XPO1: variants seen among roughly 807,000 people sequenced by gnomAD.
XPO1 encodes exportin 1.
In XPO1, 5 loss-of-function variants were observed where a neutral mutation model predicts 133.3. The observed-to-expected ratio is 0.04, with a 90% CI of 0.02 to 0.08. The LOEUF (loss-of-function observed/expected upper bound fraction) is 0.08, where lower values mean the gene tolerates loss of function less well. Among genes scored for constraint, XPO1 ranks in the 10% least tolerant of loss-of-function variants. XPO1 has a pLI of 1.00. For missense variants in XPO1, 506 were observed against 1,267.5 expected (o/e 0.40, Z 9.12); for synonymous variants, 419 against 408.2 (o/e 1.03, Z -0.32).
At chr2:61,527,806 A>C (rs1698970491) in intron 2 of XPO1, among the ~76,000 whole-genome samples, 1 of 152,098 alleles carries the variant, frequency 6.6e-6, no homozygotes, top group African/African-American at 2.4e-5. Flanking sequence ...AGAAATACTA[A>C]TCTACGTAGT....
At chr2:61,511,883 C>T (rs748962590) in intron 4 of XPO1, among the ~76,000 whole-genome samples, 15 of 152,202 alleles carry the variant, frequency 9.9e-5, no homozygotes, top group East Asian at 7.7e-4. Flanking sequence ...TGCAACCTAC[C>T]GAGTAGCTGG....
rs1308346991 is a variant in XPO1 at position 61,537,502 on chromosome 2, T to C, written c.-7+60A>G. 8.2e-5 allele frequency: 12 copies of C among 145,728 alleles called. No individual in the cohort carries two copies. In the East Asian group the frequency reaches 2.2e-3, roughly 27 times the overall value. 9.0% of individuals were successfully genotyped at this position (145,728 alleles called of 1,614,324 possible). On this transcript the variant is annotated intron_variant, in intron 1 of 24. Transcript: ENST00000401558. Reference sequence around the variant, plus strand: ...GCCGCCGCGCCCCACGCCGGCCTCCTCCCGCCCGCCCGGCCGCGCCGCCGC... The same window carrying C: ...GCCGCCGCGCCCCACGCCGGCCTCCCCCCGCCCGCCCGGCCGCGCCGCCGC...
chr2:61,493,829 T>C, intron 12 of XPO1, 65 bp downstream of exon 12: 2 of 1,523,808 alleles, frequency 1.3e-6, no homozygotes, highest in Non-Finnish European at 1.8e-6. Flanking sequence ...ATTAGAAGTA[T>C]TTGGATTCAG....
At chr2:61,481,554 C>A (rs919873771) in intron 23 of XPO1, among the ~76,000 whole-genome samples, 1 of 152,058 alleles carries the variant, frequency 6.6e-6, no homozygotes, top group Non-Finnish European at 1.5e-5. Flanking sequence ...TGAAGCTATT[C>A]TCCTGCCTCA....
Position 61,492,155 on chromosome 2 carries a change from A to C in XPO1, c.1767T>G (p.Ile589Met). The change falls in exon 16 of 25, where the codon ATT (isoleucine) becomes ATG (methionine). Residue 589 changes from isoleucine (I) to methionine (M), a missense_variant. By Grantham distance (10) the Ile-to-Met change is conservative. Coordinates refer to ENST00000401558, the MANE Select transcript of XPO1 (RefSeq NM_003400.4). The surrounding 1 kb of genome is among the most constrained non-coding windows in gnomAD (Gnocchi z 5.6). ...GCCTGCGGCATTTTTGGGCTATTTT[A>C]ATGAAAGTATCACAAGCCATATCCT... is the stretch of plus-strand genomic sequence containing the variant. Reference protein sequence around the residue: ...GVQDMACDTFIKIAQKCRRHF... With the variant: ...GVQDMACDTFMKIAQKCRRHF... The C allele has an allele frequency of 6.2e-7, 1 of 1,614,224 alleles. No homozygotes were observed. Among genetic ancestry groups the C allele is most frequent in the Non-Finnish European group, 8.5e-7 (1 of 1,180,048 alleles).
rs370242587 is a variant in XPO1 at position 61,481,328 on chromosome 2, G to A, written c.2973-47C>T. ...TTAAATAATGATTTATTTTTCCCCCGAGACAGAGTATTGCTCTGTCACCAG... is the reference window on the plus strand; with the variant it reads ...TTAAATAATGATTTATTTTTCCCCCAAGACAGAGTATTGCTCTGTCACCAG... On this transcript the variant is annotated intron_variant, in intron 23 of 24. Transcript: ENST00000401558. 1.4e-4 allele frequency: 198 copies of A among 1,463,902 alleles called. No individual in the cohort carries two copies. The African/African-American group carries it at 2.0e-3, about 15-fold the overall frequency. 90.7% of individuals were successfully genotyped at this position (1,463,902 alleles called of 1,614,324 possible). A position where few individuals can be genotyped will look rare whatever the true frequency, so the allele number is the denominator to read the frequency against.
In XPO1 at chr2:61,478,511, C is replaced by G. The variant is rs544433659; in HGVS notation, c.*309G>C. On this transcript the variant is annotated 3_prime_UTR_variant, in exon 25 of 25. Transcript: ENST00000401558. ...ATTGTATAATTTTGCATTAGAATTA[C>G]AAGTATATGTTCAAATCGAATTTGC... The G allele has an allele frequency of 3.4e-6, 1 of 295,942 alleles. No individual in the cohort carries two copies. Among genetic ancestry groups the G allele is most frequent in the Non-Finnish European group, 6.2e-6 (1 of 160,590 alleles). 18.3% of individuals were successfully genotyped at this position (295,942 alleles called of 1,614,324 possible).
At chr2:61,481,895 C>T (rs1284935726) in intron 23 of XPO1, among the ~76,000 whole-genome samples, 1 of 151,846 alleles carries the variant, frequency 6.6e-6, no homozygotes, top group African/African-American at 2.4e-5. Flanking sequence ...ACCACCATGC[C>T]CAACTAATTT....
intron 4 of XPO1, among the ~76,000 whole-genome samples, chr2:61,516,124 G>A (rs1410557746): frequency 2.2e-5 from 3 of 138,540 alleles, no homozygotes; most frequent in Non-Finnish European, 4.7e-5. Context: ...AAACTCCGTC[G>A]CAAAATTAAA....
At chr2:61,507,821 A>G (rs879358933) in intron 4 of XPO1, among the ~76,000 whole-genome samples, 2 of 152,060 alleles carry the variant, frequency 1.3e-5, no homozygotes, top group African/African-American at 4.8e-5. Flanking sequence ...GAGAAAGAGA[A>G]GAGAAAGATG....
At chr2:61,527,391 G>C (rs1206233884) in intron 2 of XPO1, among the ~76,000 whole-genome samples, 4 of 151,014 alleles carry the variant, frequency 2.6e-5, no homozygotes, top group Non-Finnish European at 5.9e-5. Context: ...AGGAGACCGA[G>C]ATGGGAGGAT....
At chr2:61,513,698 T>G (rs753039706) in intron 4 of XPO1, among the ~76,000 whole-genome samples, 4 of 151,892 alleles carry the variant, frequency 2.6e-5, no homozygotes, top group African/African-American at 9.7e-5. Context: ...AAACATCAAC[T>G]ATATAAAGAA....
intron 4 of XPO1, among the ~76,000 whole-genome samples, chr2:61,519,761 A>G (rs111975762): frequency 6.6e-6 from 1 of 151,686 alleles, no homozygotes; most frequent in Non-Finnish European, 1.5e-5. Flanking sequence ...ACAAGAACCT[A>G]AAAGCAGATA....
intron 10 of XPO1, 34 bp downstream of exon 10, chr2:61,496,845 T>C: frequency 6.7e-7 from 1 of 1,483,918 alleles, no homozygotes; most frequent in South Asian, 1.4e-5. Flanking sequence ...GCACTAAAAT[T>C]ATTCAGCCAA....
intron 2 of XPO1, among the ~76,000 whole-genome samples, chr2:61,531,399 T>TTA (rs1439277092): frequency 6.6e-6 from 1 of 152,258 alleles, no homozygotes; most frequent in African/African-American, 2.4e-5. Context: ...CTACTTTTTA[T>TTA]TAACAAGTCA....
chr2:61,506,642 A>AAATT (rs1363047602), intron 4 of XPO1, among the ~76,000 whole-genome samples: 1 of 150,454 alleles, frequency 6.6e-6, no homozygotes, highest in African/African-American at 2.4e-5. Context: ...ACTTAAAAAT[A>AAATT]AATTAGTACA....
chr2:61,483,782 A>G, intron 21 of XPO1, 155 bp downstream of exon 21: 1 of 783,426 alleles, frequency 1.3e-6, no homozygotes, highest in Admixed American at 3.0e-5. Flanking sequence ...GGAGTGGAAC[A>G]GTTGATTAAA....
At chr2:61,532,726 G>A (rs1031876489) in intron 2 of XPO1, among the ~76,000 whole-genome samples, 1 of 151,106 alleles carries the variant, frequency 6.6e-6, no homozygotes, top group African/African-American at 2.4e-5. Context: ...CCAGCTACTC[G>A]GGAGGCTAAG....
At position 61,479,052 on chromosome 2, in the gene XPO1, AGAAG is replaced by A. The variant is rs534790535; in HGVS notation, c.3070-90_3070-87del. ...CATAGATGAGCAATTTCCTTTTTAG[AGAAG>A]GAAGGAATATAAATTATCCATAAAG... On this transcript the variant is annotated intron_variant, in intron 24 of 24. Coordinates refer to ENST00000401558, the MANE Select transcript of XPO1 (RefSeq NM_003400.4). 500 of 1,468,810 alleles carry A rather than the reference AGAAG, an allele frequency of 3.4e-4. 7 individuals carry two copies. The South Asian group carries it at 5.6e-3, about 16-fold the overall frequency. 91.0% of individuals were successfully genotyped at this position (1,468,810 alleles called of 1,614,324 possible). A position where few individuals can be genotyped will look rare whatever the true frequency, so the allele number is the denominator to read the frequency against.
Sources: gnomAD v4.1 joint callset for allele counts (sites outside exome capture counted in the v4.1 genomes callset) on GRCh38, gnomAD v4.1.1 for gene constraint, Gnocchi (gnomAD v3.1) non-coding constraint, MANE v1.5 for transcripts, NCBI Gene and HGNC (gene_info 2026-07-23, HGNC 2026-07-21) for gene names.